Variants in KIAA0586 observed in about 807,000 individuals in gnomAD.
KIAA0586 encodes KIAA0586.
In KIAA0586, 144 loss-of-function variants were observed where a neutral mutation model predicts 169.8. The observed-to-expected ratio is 0.85, with a 90% CI of 0.74 to 0.97. The LOEUF is 0.97. KIAA0586 is among the 50% of genes least tolerant of loss of function. The probability of loss-of-function intolerance (pLI) is 0.00; values close to 1 mark genes in which losing one functional copy is unlikely to be tolerated. For missense variants in KIAA0586, 1,854 were observed against 1,823.0 expected, an observed-to-expected ratio of 1.02 and a Z score of -0.31; for synonymous variants, 625 against 612.4, an observed-to-expected ratio of 1.02 and a Z score of -0.30.
At chr14:58,470,536 C>A in intron 16 of KIAA0586, 77 bp from the exon 17 acceptor site, 1 of 793,980 alleles carries the variant, frequency 1.3e-6, no homozygotes, top group South Asian at 1.7e-5. Context: ...CACACATATA[C>A]ATGTATATAC....
In KIAA0586 at chr14:58,543,140, A is replaced by AG. The variant is rs533970438; in HGVS notation, c.4495+3004_4495+3005insG. On this transcript the variant is annotated intron_variant, in intron 30 of 30. Coordinates refer to ENST00000652326, the MANE Select transcript of KIAA0586 (RefSeq NM_001329943.3). ...AAACGAGATTACGTCTCAAAAAAAA[A>AG]AAAAAAAGAAAAGAAACACCTCTGA... Among the ~76,000 whole-genome samples the AG allele has an allele frequency of 3.3e-5, 5 of 151,504 alleles. No homozygotes were observed. The South Asian group carries it at 1.0e-3, about 32-fold the overall frequency.
intron 9 of KIAA0586, among the ~76,000 whole-genome samples, chr14:58,455,582 T>C (rs530318023): frequency 6.6e-6 from 1 of 152,278 alleles, no homozygotes; most frequent in African/African-American, 2.4e-5. Context: ...CTGAAGTCTC[T>C]GTTTTGTTAG....
At chr14:58,458,566 G>T in intron 12 of KIAA0586, 21 bp downstream of exon 12, 1 of 1,356,180 alleles carries the variant, frequency 7.4e-7, no homozygotes, top group South Asian at 1.4e-5. Flanking sequence ...GAAAAAAACT[G>T]AAAATTAAGT....
At chr14:58,458,010 A>C in intron 11 of KIAA0586, 31 bp downstream of exon 11, 1 of 1,403,418 alleles carries the variant, frequency 7.1e-7, no homozygotes, top group Non-Finnish European at 9.9e-7. Context: ...AGGGTTATTT[A>C]TGAGTCTGTC....
intron 25 of KIAA0586, 46 bp downstream of exon 25, chr14:58,490,286 T>C (rs2042753579): frequency 9.1e-7 from 1 of 1,101,932 alleles, no homozygotes; most frequent in Admixed American, 2.7e-5. Context: ...AGGAAGAATA[T>C]CTGTATGAAT....
chr14:58,460,674 G>A lies in KIAA0586; in HGVS notation c.1885-312G>A, dbSNP rs370063473. Reference sequence around the variant, plus strand: ...ATAAAATTATTTAAAGGTTAAGGTTGTTGTATTTTTATTGTACTGGAGTAT... The same window carrying A: ...ATAAAATTATTTAAAGGTTAAGGTTATTGTATTTTTATTGTACTGGAGTAT... On this transcript the variant is annotated intron_variant, in intron 13 of 30. Transcript: ENST00000652326. Among the ~76,000 whole-genome samples the A allele has an allele frequency of 2.6e-5, 4 of 152,156 alleles. 1 individual carries two copies.
chr14:58,427,864 C>A lies in KIAA0586; in HGVS notation c.-401C>A. ...AAGCTATTACGCTTCTTATGTGGGTCATTATTTTAAAAATAGCATTTCGCT... is the reference window on the plus strand; with the variant it reads ...AAGCTATTACGCTTCTTATGTGGGTAATTATTTTAAAAATAGCATTTCGCT... On this transcript the variant is annotated 5_prime_UTR_variant, in exon 1 of 31. Transcript: ENST00000652326. 2 of 1,377,222 alleles carry A rather than the reference C, an allele frequency of 1.5e-6. No individual in the cohort carries two copies. The highest frequency in any genetic ancestry group is 1.5e-5 in the African/African-American group (1 of 68,548). 85.3% of individuals were successfully genotyped at this position (1,377,222 alleles called of 1,614,324 possible).
chr14:58,440,285 TCTTTCTC>T, intron 4 of KIAA0586: 1 of 397,068 alleles, frequency 2.5e-6, no homozygotes, highest in South Asian at 1.8e-5. Context: ...TCTCTTTTCT[TCTTTCTC>T]TCTCTCTCTC....
rs190089844 is a variant in KIAA0586, at chr14:58,428,381, G to A, written c.117G>A (p.Glu39=). Residue 39 remains glutamate, a synonymous_variant, in exon 1 of 31, where the codon GAG becomes GAA. Coordinates refer to ENST00000652326, the MANE Select transcript of KIAA0586 (RefSeq NM_001329943.3). ...HGDHLVLLKD[E]LPCVPPALSA... ...ATCATTTGGTTTTGCTGAAAGATGA[G>A]TTGCCCTGTGTTCCTCCGGCATTGT... 2.2e-5 allele frequency: 35 copies of A among 1,613,986 alleles called. No homozygotes were observed. In the East Asian group the frequency reaches 7.1e-4, roughly 33 times the overall value.
At chr14:58,485,300 T>C (rs951482997) in intron 21 of KIAA0586, among the ~76,000 whole-genome samples, 2 of 151,750 alleles carry the variant, frequency 1.3e-5, no homozygotes, top group South Asian at 4.2e-4. Flanking sequence ...CATGTACATA[T>C]AAAAAGATGA....
At chr14:58,479,551 T>C (rs1448755502) in intron 20 of KIAA0586, among the ~76,000 whole-genome samples, 1 of 152,188 alleles carries the variant, frequency 6.6e-6, no homozygotes, top group African/African-American at 2.4e-5. Context: ...TTTTTTCTAG[T>C]AGTTTGTAGG....
At chr14:58,522,239 C>A (rs1174414969) in intron 29 of KIAA0586, among the ~76,000 whole-genome samples, 1 of 152,122 alleles carries the variant, frequency 6.6e-6, no homozygotes. Context: ...TTTGATACTT[C>A]TTTATGACTT....
intron 26 of KIAA0586, among the ~76,000 whole-genome samples, chr14:58,496,047 C>T (rs925605788): frequency 6.6e-6 from 1 of 152,142 alleles, no homozygotes; most frequent in East Asian, 1.9e-4. Flanking sequence ...GTAATAAGAA[C>T]TAGTAATATT....
At chr14:58,456,959 A>G in intron 10 of KIAA0586, 149 bp downstream of exon 10, 1 of 598,632 alleles carries the variant, frequency 1.7e-6, no homozygotes, top group Non-Finnish European at 2.9e-6. Flanking sequence ...TTTATAAAGT[A>G]TTTCCAGAGG....
At chr14:58,443,692 G>T (rs759264276) in intron 5 of KIAA0586, among the ~76,000 whole-genome samples, 1 of 152,106 alleles carries the variant, frequency 6.6e-6, no homozygotes, top group Non-Finnish European at 1.5e-5. Context: ...CAAAGTGCTG[G>T]GATTAGAGGT....
At chr14:58,494,419 T>G (rs2043031311) in intron 26 of KIAA0586, among the ~76,000 whole-genome samples, 1 of 149,090 alleles carries the variant, frequency 6.7e-6, no homozygotes, top group East Asian at 2.0e-4. Context: ...TTGTTGTCTG[T>G]TTTTTTTTTC....
At position 58,428,329 on chromosome 14, in the gene KIAA0586, G is replaced by A. The variant is rs745590887; in HGVS notation, c.65G>A (p.Arg22His). 1 of 1,613,904 alleles carries A rather than the reference G, an allele frequency of 6.2e-7. No individual in the cohort carries two copies. The highest frequency in any genetic ancestry group is 1.1e-5 in the South Asian group (1 of 91,084). Residue 22 changes from arginine to histidine, a missense_variant, in exon 1 of 31, where the codon CGT becomes CAT. Physicochemically the swap from Arg to His is conservative, Grantham distance 29. Transcript: ENST00000652326. ...KKIKMPVKRL[R>H]EVVSQNHGDH... ...ATTAAGATGCCAGTGAAGAGACTTC[G>A]TGAGGTAGTTTCTCAAAATCATGGA...
chr14:58,473,114 C>T (rs1259025200), intron 18 of KIAA0586, among the ~76,000 whole-genome samples: 2 of 151,286 alleles, frequency 1.3e-5, no homozygotes, highest in South Asian at 2.1e-4. Flanking sequence ...ACAAGTGTTC[C>T]TGTATTAGCT....
rs140242623 is a variant in KIAA0586, at chr14:58,469,068, C to T, written c.2442+1146C>T. ...GACTGGACACTCCTCCCTGAACAAA[C>T]GAACTATCCATTTCTTCTGCACAAA... is the stretch of plus-strand genomic sequence containing the variant. On this transcript the variant is annotated intron_variant, in intron 16 of 30. Transcript: ENST00000652326. Among the ~76,000 whole-genome samples, 489 of 152,280 alleles carry T rather than the reference C, an allele frequency of 3.2e-3. 9 individuals are homozygous for T. Among genetic ancestry groups the T allele is most frequent in the African/African-American group, 0.011 (469 of 41,560 alleles).
Sources: gnomAD v4.1 joint callset for allele counts (sites outside exome capture counted in the v4.1 genomes callset) on GRCh38, gnomAD v4.1.1 for gene constraint, MANE v1.5 for transcripts, NCBI Gene and HGNC (gene_info 2026-07-23, HGNC 2026-07-21) for gene names.